The following ABCC4 variants were observed in gnomAD, a reference collection of about 807,000 sequenced individuals.
ABCC4 encodes ATP binding cassette subfamily C member 4 (PEL blood group).
ABCC4 carries 102 observed loss-of-function variants against 168.5 expected under a neutral mutation model. The ratio of observed to expected loss-of-function variants is 0.61; its 90% CI spans 0.52 to 0.71. The LOEUF is 0.71. Ranked by LOEUF, ABCC4 falls within the 30% of genes least tolerant of loss-of-function variation. The pLI is 0.00. For synonymous variants in ABCC4, 617 were observed against 590.7 expected, an observed-to-expected ratio of 1.04 and a Z score of -0.65; for missense variants, 1,402 against 1,605.8, an observed-to-expected ratio of 0.87 and a Z score of 2.17.
In ABCC4 at chr13:95,211,991, A is replaced by G. The variant is rs1441237429; in HGVS notation, c.532-1210T>C. Among the ~76,000 whole-genome samples the G allele has an allele frequency of 3.3e-5, 5 of 152,204 alleles. No homozygotes were observed. In the East Asian group the frequency reaches 9.6e-4, roughly 29 times the overall value. ...CAGGAGTTCGAGATCAGCCTGGCCAACATGGTGAAACCCTGTCTCTACTAA... is the reference window on the plus strand; with the variant it reads ...CAGGAGTTCGAGATCAGCCTGGCCAGCATGGTGAAACCCTGTCTCTACTAA... On this transcript the variant is annotated intron_variant, in intron 4 of 30. Transcript: ENST00000645237.
chr13:95,082,032 TAAAAG>T (rs2034115264), intron 21 of ABCC4, among the ~76,000 whole-genome samples: 1 of 152,128 alleles, frequency 6.6e-6, no homozygotes, highest in Non-Finnish European at 1.5e-5. Context: ...TGTTCATTGT[TAAAAG>T]AGAAACATAT....
chr13:95,235,251 A>T (rs2039733577), intron 3 of ABCC4, among the ~76,000 whole-genome samples: 2 of 152,198 alleles, frequency 1.3e-5, no homozygotes, highest in South Asian at 4.1e-4. Context: ...CTCATCTAAA[A>T]GAAAAGCAGA....
intron 1 of ABCC4, among the ~76,000 whole-genome samples, chr13:95,272,331 C>G (rs1185099853): frequency 1.3e-5 from 2 of 152,120 alleles, no homozygotes; most frequent in Non-Finnish European, 2.9e-5. Flanking sequence ...TGAGCCAACA[C>G]GCCAAGCCTC....
chr13:95,266,582 AG>A, intron 1 of ABCC4, among the ~76,000 whole-genome samples: 1 of 152,316 alleles, frequency 6.6e-6, no homozygotes, highest in South Asian at 2.1e-4. Flanking sequence ...GCAGACATGT[AG>A]CTGTCCTGGG....
chr13:95,174,658 T>TA (rs1566491806), intron 13 of ABCC4, among the ~76,000 whole-genome samples: 1 of 152,092 alleles, frequency 6.6e-6, no homozygotes, highest in Non-Finnish European at 1.5e-5. Flanking sequence ...GCAATGAAAA[T>TA]ACCTTCCTCC....
In ABCC4 at chr13:95,044,432, G is replaced by C. The variant is rs146275324; in HGVS notation, c.3463C>G (p.Leu1155Val). The part of the protein sequence containing the change: ...ELWNALQEVQ[L>V]KETIEDLPGK... ...GGAAGATCTTCAATGGTTTCTTTAA[G>C]TTGTACCTGTAGATGTACAAAGAAG... is the stretch of plus-strand genomic sequence containing the variant. The change falls in exon 28 of 31, where the codon CTT becomes GTT. Residue 1155 changes from leucine (L) to valine (V), a missense_variant. Physicochemically the swap from Leu to Val is conservative, Grantham distance 32 (BLOSUM62 1). Coordinates refer to ENST00000645237, the MANE Select transcript of ABCC4 (RefSeq NM_005845.5). 70 of 1,609,712 alleles carry C rather than the reference G, an allele frequency of 4.3e-5. No individual in the cohort carries two copies. In the Middle Eastern group the frequency reaches 6.7e-4, roughly 15 times the overall value.
intron 11 of ABCC4, among the ~76,000 whole-genome samples, chr13:95,179,335 G>A (rs1049637533): frequency 6.6e-6 from 1 of 152,170 alleles, no homozygotes; most frequent in African/African-American, 2.4e-5. Context: ...GCCCAGTCAG[G>A]AAAAGCCAAA....
chr13:95,272,887 CAAAAAATA>C (rs534873717), intron 1 of ABCC4, among the ~76,000 whole-genome samples: 22 of 151,208 alleles, frequency 1.5e-4, no homozygotes, highest in Admixed American at 2.6e-4. Flanking sequence ...GACTCCGTCT[CAAAAAATA>C]AAAAAATAAA....
chr13:95,256,767 GA>G (rs1476974899), intron 1 of ABCC4, among the ~76,000 whole-genome samples: 1 of 151,112 alleles, frequency 6.6e-6, no homozygotes, highest in Non-Finnish European at 1.5e-5. Flanking sequence ...CAAAAAAAAA[GA>G]AAAAAGAAAA....
chr13:95,244,613 GA>G (rs1169329331), intron 3 of ABCC4, among the ~76,000 whole-genome samples: 1 of 56,750 alleles, frequency 1.8e-5, no homozygotes, highest in Non-Finnish European at 3.4e-5. Context: ...AAGAAAGAAA[GA>G]AAGAAAGAAA....
intron 25 of ABCC4, among the ~76,000 whole-genome samples, chr13:95,066,083 G>A (rs1376673319): frequency 6.6e-6 from 1 of 152,220 alleles, no homozygotes; most frequent in Non-Finnish European, 1.5e-5. Context: ...TGAGGACTAA[G>A]TGTGCACATG....
chr13:95,125,482 G>T lies in ABCC4; in HGVS notation c.2456-9481C>A, dbSNP rs1678371. ...AAACATTTAAAATAACTCCACCTCA[G>T]GATTAAATTACACAAGTTACAGGAG... On this transcript the variant is annotated intron_variant, in intron 19 of 30. Coordinates refer to ENST00000645237, the MANE Select transcript of ABCC4 (RefSeq NM_005845.5). Among the ~76,000 whole-genome samples, 282 of 151,808 alleles carry T rather than the reference G, an allele frequency of 1.9e-3. 1 individual carries two copies. The highest frequency in any genetic ancestry group is 5.9e-3 in the African/African-American group (245 of 41,384).
At chr13:95,134,660 C>T (rs1294606032) in intron 19 of ABCC4, among the ~76,000 whole-genome samples, 1 of 152,078 alleles carries the variant, frequency 6.6e-6, no homozygotes, top group Non-Finnish European at 1.5e-5. Flanking sequence ...GCGGAGGTTG[C>T]AGTGAGCCAA....
chr13:95,137,514 AG>A (rs549294475), intron 19 of ABCC4, among the ~76,000 whole-genome samples: 1 of 152,194 alleles, frequency 6.6e-6, no homozygotes, highest in Non-Finnish European at 1.5e-5. Flanking sequence ...AGAATATTTA[AG>A]GGGGGGTAAA....
At chr13:95,118,917 T>C (rs750945728) in intron 19 of ABCC4, among the ~76,000 whole-genome samples, 1 of 152,174 alleles carries the variant, frequency 6.6e-6, no homozygotes, top group Non-Finnish European at 1.5e-5. Flanking sequence ...CTTCAACTAC[T>C]TGAAGAAAGT....
intron 19 of ABCC4, among the ~76,000 whole-genome samples, chr13:95,135,883 C>T (rs373476371): frequency 1.3e-5 from 2 of 152,210 alleles, no homozygotes; most frequent in Admixed American, 1.3e-4. Flanking sequence ...TAAATAGCAA[C>T]ATGAAACTAT....
chr13:95,080,838 G>A (rs2034070199), intron 21 of ABCC4, among the ~76,000 whole-genome samples: 1 of 152,132 alleles, frequency 6.6e-6, no homozygotes, highest in African/African-American at 2.4e-5. Flanking sequence ...CAGTCCAACA[G>A]AGGCTTTGGA....
In ABCC4 at chr13:95,063,021, G is replaced by T. The variant is rs1488578073; in HGVS notation, c.3211-162C>A. ...AACCTCAGCACTGATGACCTTCTGA[G>T]CTGGATACTTCTTCATTTTGGAAGC... is the stretch of plus-strand genomic sequence containing the variant. On this transcript the variant is annotated intron_variant, in intron 25 of 30. Transcript: ENST00000645237. Among the ~76,000 whole-genome samples, 4 of 152,292 alleles carry T rather than the reference G, an allele frequency of 2.6e-5. No individual in the cohort carries two copies. In the East Asian group the frequency reaches 7.7e-4, roughly 29 times the overall value.
At chr13:95,219,042 G>GA (rs1206292979) in intron 4 of ABCC4, among the ~76,000 whole-genome samples, 3 of 150,856 alleles carry the variant, frequency 2.0e-5, no homozygotes, top group Non-Finnish European at 1.5e-5. Flanking sequence ...AAAAGAAAGG[G>GA]AAAAAAAACC....
Sources: allele counts gnomAD v4.1 joint callset (sites outside exome capture counted in the v4.1 genomes callset), GRCh38; gene constraint gnomAD v4.1.1; transcripts MANE v1.5; gene names NCBI Gene and HGNC (gene_info 2026-07-23, HGNC 2026-07-21).